Variants in TMEM181 observed in about 807,000 individuals in gnomAD.
TMEM181 encodes the protein G protein-coupled receptor 178.
A neutral mutation model predicts 71.9 loss-of-function variants in TMEM181; 39 were observed. The ratio of observed to expected loss-of-function variants is 0.54; its 90% confidence interval spans 0.42 to 0.71. The LOEUF (loss-of-function observed/expected upper bound fraction) is 0.71. Among genes scored for constraint, TMEM181 ranks in the 30% least tolerant of loss-of-function variants. The pLI is 0.00. For missense variants in TMEM181, 595 were observed against 583.0 expected (o/e 1.02, Z -0.21); for synonymous variants, 245 against 228.8 (o/e 1.07, Z -0.64).
At chr6:158,623,073 G>C (rs1786059521) in intron 10 of TMEM181, among the ~76,000 whole-genome samples, 1 of 152,132 alleles carries the variant, frequency 6.6e-6, no homozygotes, top group African/African-American at 2.4e-5. Flanking sequence ...TCATGCCACA[G>C]TGACCCAAGT....
chr6:158,565,751 T>C (rs1016242168), intron 1 of TMEM181, among the ~76,000 whole-genome samples: 1 of 152,134 alleles, frequency 6.6e-6, no homozygotes, highest in African/African-American at 2.4e-5. Context: ...GAGGGTGTGG[T>C]GTGGATCCAC....
chr6:158,546,203 C>A (rs1366434147), intron 1 of TMEM181, among the ~76,000 whole-genome samples: 2 of 152,162 alleles, frequency 1.3e-5, no homozygotes. Flanking sequence ...CCGTGTTCTT[C>A]CAGTGGAGAC....
upstream of TMEM181, among the ~76,000 whole-genome samples, chr6:158,555,998 A>T (rs1289811270): frequency 6.6e-6 from 1 of 152,264 alleles, no homozygotes; most frequent in Non-Finnish European, 1.5e-5. Context: ...TAAATTAGAC[A>T]TGCAGAAAGA....
At chr6:158,611,555 G>T (rs938974845) in intron 10 of TMEM181, 1 of 419,858 alleles carries the variant, frequency 2.4e-6, no homozygotes, top group Admixed American at 3.2e-5. Context: ...CAGCCTTAAA[G>T]CTGCAGGCTT....
chr6:158,546,293 A>G (rs2128279500), intron 1 of TMEM181, among the ~76,000 whole-genome samples: 1 of 152,282 alleles, frequency 6.6e-6, no homozygotes, highest in South Asian at 2.1e-4. Context: ...ACATATTAGA[A>G]CTTTGCTGTA....
At chr6:158,590,306 G>A (rs1012356889) in intron 6 of TMEM181, among the ~76,000 whole-genome samples, 2 of 151,512 alleles carry the variant, frequency 1.3e-5, no homozygotes, top group East Asian at 1.9e-4. Flanking sequence ...TTGAGCCTCA[G>A]TTTTCTTATC....
intron 10 of TMEM181, among the ~76,000 whole-genome samples, chr6:158,614,181 G>A (rs1254216462): frequency 6.6e-6 from 1 of 152,188 alleles, no homozygotes; most frequent in Non-Finnish European, 1.5e-5. Context: ...GGGGCCTTCT[G>A]CAGCACCCAA....
rs184777328 is a variant in TMEM181, at chr6:158,620,751, C to G, written c.897-2799C>G. Among the ~76,000 whole-genome samples, 277 of 152,062 alleles carry G rather than the reference C, an allele frequency of 1.8e-3. No homozygotes were observed. The highest frequency in any genetic ancestry group is 6.4e-3 in the African/African-American group (264 of 41,486). On this transcript the variant is annotated intron_variant, in intron 10 of 16. Transcript: ENST00000684151. The surrounding 1 kb of genome is among the most constrained non-coding windows in gnomAD (Gnocchi z 4.5). ...TCAGGATCCAGGAGTTAACTCAGGA[C>G]AAGCTGCCGCTGCCCACTGCTTCCT...
chr6:158,604,821 A>G (rs1784856293), intron 6 of TMEM181, among the ~76,000 whole-genome samples: 1 of 152,186 alleles, frequency 6.6e-6, no homozygotes, highest in African/African-American at 2.4e-5. Context: ...ATTATAAAAT[A>G]ATTTGTCGGA....
chr6:158,605,181 T>G (rs1011330496), intron 6 of TMEM181, 86 bp from the exon 7 acceptor site: 1 of 959,498 alleles, frequency 1.0e-6, no homozygotes, highest in East Asian at 2.5e-5. Flanking sequence ...TTGTCTCATC[T>G]AGAGATAACT....
At chr6:158,554,032 G>A (rs1582929758) in intron 1 of TMEM181, among the ~76,000 whole-genome samples, 1 of 151,826 alleles carries the variant, frequency 6.6e-6, no homozygotes, top group East Asian at 1.9e-4. Flanking sequence ...TCATCCTCCC[G>A]AGTAGCTGGG....
At chr6:158,629,586 T>C in intron 14 of TMEM181, 144 bp from the exon 15 acceptor site, 1 of 655,210 alleles carries the variant, frequency 1.5e-6, no homozygotes, top group Non-Finnish European at 2.7e-6. Context: ...TGTGGAGTCC[T>C]GACGTCTGGG....
At chr6:158,628,151 C>T in intron 13 of TMEM181, 1 of 648,194 alleles carries the variant, frequency 1.5e-6, no homozygotes, top group Admixed American at 2.1e-5. Flanking sequence ...GGGCCTGCAG[C>T]AGGGTTCATC....
At chr6:158,552,205 T>G (rs1294261753) in intron 1 of TMEM181, among the ~76,000 whole-genome samples, 1 of 152,230 alleles carries the variant, frequency 6.6e-6, no homozygotes, top group Admixed American at 6.5e-5. Context: ...TAATAAAATA[T>G]AAATCCTTTG....
At chr6:158,551,862 C>A (rs554725796) in intron 1 of TMEM181, among the ~76,000 whole-genome samples, 8 of 152,278 alleles carry the variant, frequency 5.3e-5, no homozygotes, top group African/African-American at 1.9e-4. Flanking sequence ...TAAGCCTAAT[C>A]ATTTCCTATC....
chr6:158,588,639 T>C (rs1582992991), intron 5 of TMEM181, among the ~76,000 whole-genome samples: 1 of 152,072 alleles, frequency 6.6e-6, no homozygotes, highest in Admixed American at 6.6e-5. Flanking sequence ...TTAGTGGAGA[T>C]GGGGTTTCAC....
chr6:158,612,137 C>T (rs1785366590), intron 10 of TMEM181, among the ~76,000 whole-genome samples: 1 of 152,110 alleles, frequency 6.6e-6, no homozygotes, highest in African/African-American at 2.4e-5. Context: ...ACCCAAGAGA[C>T]TTGGGTGCCC....
intron 6 of TMEM181, 96 bp downstream of exon 6, chr6:158,589,878 T>A: frequency 1.1e-6 from 1 of 936,570 alleles, no homozygotes; most frequent in Non-Finnish European, 1.7e-6. Context: ...CTAAATAATG[T>A]TAATTTGGAC....
intron 13 of TMEM181, chr6:158,626,298 G>C: frequency 2.3e-6 from 1 of 433,014 alleles, no homozygotes; most frequent in Non-Finnish European, 4.6e-6. Context: ...AGTTGGTAGA[G>C]GAACAGAGCG....
Sources: allele counts gnomAD v4.1 joint callset (sites outside exome capture counted in the v4.1 genomes callset), GRCh38; gene constraint gnomAD v4.1.1; non-coding constraint Gnocchi (gnomAD v3.1); transcripts MANE v1.5; gene names NCBI Gene and HGNC (gene_info 2026-07-23, HGNC 2026-07-21).